PCNT: variants seen among roughly 807,000 people sequenced by gnomAD.
PCNT encodes kendrin.
PCNT carries 319 observed loss-of-function variants against 380.4 expected under a neutral mutation model. That is an observed-to-expected ratio of 0.84 (90% CI 0.77 to 0.92). PCNT has a LOEUF of 0.92. PCNT is among the 40% of genes least tolerant of loss of function. PCNT has a pLI of 0.00. For synonymous variants in PCNT, 1,845 were observed against 1,735.2 expected, an observed-to-expected ratio of 1.06 and a Z score of -1.57; for missense variants, 4,400 against 4,255.3, an observed-to-expected ratio of 1.03 and a Z score of -0.95.
intron 42 of PCNT, 93 bp downstream of exon 42, chr21:46,440,295 C>T (rs2053572628): frequency 7.3e-7 from 1 of 1,367,036 alleles, no homozygotes; most frequent in Non-Finnish European, 1.0e-6. Context: ...CCACAAGGTT[C>T]TCGTCTGCCG....
intron 41 of PCNT, among the ~76,000 whole-genome samples, chr21:46,438,567 C>T (rs1242869144): frequency 6.6e-6 from 1 of 152,178 alleles, no homozygotes; most frequent in Non-Finnish European, 1.5e-5. Context: ...CCTCACTGAC[C>T]CTGACCGCTA....
chr21:46,384,772 G>A (rs1341261207), intron 16 of PCNT, among the ~76,000 whole-genome samples: 4 of 138,654 alleles, frequency 2.9e-5, no homozygotes, highest in African/African-American at 1.0e-4. Flanking sequence ...ACGGTGTTGT[G>A]CGTAGTTCAG....
chr21:46,348,501 C>T (rs2084154706), intron 6 of PCNT, among the ~76,000 whole-genome samples: 1 of 152,188 alleles, frequency 6.6e-6, no homozygotes. Flanking sequence ...TCCTTGCTCA[C>T]TTTTCCTCAA....
chr21:46,373,290 C>G (rs962405488), intron 15 of PCNT, among the ~76,000 whole-genome samples: 7 of 151,746 alleles, frequency 4.6e-5, no homozygotes, highest in Non-Finnish European at 1.0e-4. Context: ...GTGCTGGGAC[C>G]ATAGGCGTGA....
intron 43 of PCNT, among the ~76,000 whole-genome samples, chr21:46,442,021 C>T (rs1419001680): frequency 1.4e-4 from 21 of 152,200 alleles, no homozygotes; most frequent in Admixed American, 1.3e-3. Flanking sequence ...CCCTCGTCAC[C>T]TGCACTCTGC....
At chr21:46,358,650 A>T (rs1432778399) in intron 13 of PCNT, among the ~76,000 whole-genome samples, 3 of 141,458 alleles carry the variant, frequency 2.1e-5, no homozygotes, top group Non-Finnish European at 1.5e-5. Flanking sequence ...TTTGAGACTG[A>T]GTCTTGCTCT....
intron 31 of PCNT, among the ~76,000 whole-genome samples, chr21:46,419,255 ATTTAT>A (rs1337774396): frequency 6.6e-6 from 1 of 151,960 alleles, no homozygotes. Context: ...TTTTGTTTTT[ATTTAT>A]TTGATGAATA....
chr21:46,415,313 A>T (rs1433164378), intron 29 of PCNT, among the ~76,000 whole-genome samples: 1 of 148,230 alleles, frequency 6.7e-6, no homozygotes, highest in African/African-American at 2.5e-5. Context: ...AGCCCTTCGC[A>T]TCTCCTGCGG....
chr21:46,401,749 G>A, intron 26 of PCNT, 28 bp downstream of exon 26: 1 of 1,612,694 alleles, frequency 6.2e-7, no homozygotes, highest in Non-Finnish European at 8.5e-7. Context: ...CCATGGGACT[G>A]CCAGCCCTGG....
chr21:46,339,967 T>C (rs991710716), intron 3 of PCNT, among the ~76,000 whole-genome samples: 2 of 152,160 alleles, frequency 1.3e-5, no homozygotes, highest in African/African-American at 4.8e-5. Flanking sequence ...CCATTAAGTT[T>C]TAGAGTTCTC....
At chr21:46,348,690 C>T (rs2084161904) in intron 6 of PCNT, among the ~76,000 whole-genome samples, 1 of 152,162 alleles carries the variant, frequency 6.6e-6, no homozygotes, top group African/African-American at 2.4e-5. Context: ...TCACAGCTCA[C>T]TGCAGTCTTG....
At chr21:46,383,273 C>T (rs913569763) in intron 16 of PCNT, among the ~76,000 whole-genome samples, 1 of 145,430 alleles carries the variant, frequency 6.9e-6, no homozygotes, top group Admixed American at 6.9e-5. Flanking sequence ...AGCGCATTCA[C>T]AGTGCTGTGC....
chr21:46,347,022 G>A (rs757374608), intron 5 of PCNT, 24 bp downstream of exon 5: 96 of 1,585,450 alleles, frequency 6.1e-5, no homozygotes, highest in Admixed American at 4.1e-4. Flanking sequence ...AGGCGGGCAC[G>A]GGCAGCGTGT....
intron 30 of PCNT, among the ~76,000 whole-genome samples, chr21:46,417,896 C>A (rs1254411384): frequency 6.6e-6 from 1 of 152,158 alleles, no homozygotes; most frequent in Non-Finnish European, 1.5e-5. Context: ...GAGTGAGACC[C>A]TCCCTCAAAA....
chr21:46,325,994 A>G (rs1410241262), intron 1 of PCNT, among the ~76,000 whole-genome samples: 2 of 152,232 alleles, frequency 1.3e-5, no homozygotes, highest in Non-Finnish European at 2.9e-5. Context: ...AGTTGGGGGA[A>G]AATTGGGGCA....
intron 32 of PCNT, among the ~76,000 whole-genome samples, chr21:46,424,112 C>T (rs2087387641): frequency 6.6e-6 from 1 of 152,186 alleles, no homozygotes; most frequent in South Asian, 2.1e-4. Context: ...TGGGGGACAC[C>T]CACTGCTCAG....
At position 46,397,327 on chromosome 21, in the gene PCNT, A is replaced by G. The variant is rs751522639; in HGVS notation, c.4279A>G (p.Lys1427Glu). The G allele has an allele frequency of 6.2e-7, 1 of 1,614,070 alleles. No homozygotes were observed. The highest frequency in any genetic ancestry group is 1.1e-5 in the South Asian group (1 of 91,074). Residue 1427 changes from lysine (K) to glutamate (E), a missense_variant, in exon 22 of 47, where the codon AAG becomes GAG. Lys to Glu is a moderately conservative substitution (Grantham distance 56, BLOSUM62 1). Coordinates refer to ENST00000359568, the MANE Select transcript of PCNT (RefSeq NM_006031.6). ...GTCGGAGACCAGGAAGCAGGCTGAG[A>G]AGGACCGCTCAGCCCTGCTCTCCCA... ...EQSETRKQAE[K>E]DRSALLSQMK...
At chr21:46,346,650 T>G (rs2084078501) in intron 4 of PCNT, 93 bp from the exon 5 acceptor site, 9 of 1,447,350 alleles carry the variant, frequency 6.2e-6, no homozygotes, top group Non-Finnish European at 8.5e-6. Flanking sequence ...TTTCTGTGTC[T>G]TCCTTACTCA....
At position 46,440,118 on chromosome 21, in the gene PCNT, G is replaced by C; in HGVS notation, c.9309G>C (p.Thr3103=). The change falls in exon 42 of 47, where the codon ACG becomes ACC. Residue 3103 remains threonine (T), a synonymous_variant. Coordinates refer to ENST00000359568, the MANE Select transcript of PCNT (RefSeq NM_006031.6). ...SERSAWKPDE[T]APQSSLRRPD... ...GGTCTGCTTGGAAGCCAGACGAAAC[G>C]GCTCCACAGAGTTCCCTGAGGCGCC... 6.2e-7 allele frequency: 1 copy of C among 1,614,102 alleles called. No individual in the cohort carries two copies. The highest frequency in any genetic ancestry group is 1.1e-5 in the South Asian group (1 of 91,078).
Sources: allele counts gnomAD v4.1 joint callset (sites outside exome capture counted in the v4.1 genomes callset), GRCh38; gene constraint gnomAD v4.1.1; transcripts MANE v1.5; gene names NCBI Gene and HGNC (gene_info 2026-07-23, HGNC 2026-07-21).